TMOD3: variants seen among roughly 807,000 people sequenced by gnomAD.
TMOD3 encodes tropomodulin-3.
A neutral mutation model predicts 39.2 loss-of-function variants in TMOD3; 20 were observed. The ratio of observed to expected loss-of-function variants is 0.51; its 90% CI spans 0.36 to 0.74. The LOEUF is 0.74. Among genes scored for constraint, TMOD3 ranks in the 30% least tolerant of loss-of-function variants. TMOD3 has a pLI of 0.00. For synonymous variants in TMOD3, 143 were observed against 145.8 expected, an observed-to-expected ratio of 0.98 and a Z score of 0.14; for missense variants, 381 against 412.8, an observed-to-expected ratio of 0.92 and a Z score of 0.67.
intron 1 of TMOD3, among the ~76,000 whole-genome samples, chr15:51,850,907 T>C (rs1672814661): frequency 1.3e-5 from 2 of 152,136 alleles, no homozygotes; most frequent in South Asian, 4.1e-4. Flanking sequence ...TTAATTTTTG[T>C]ATTTTTAGGA....
chr15:51,837,702 C>T (rs2056293557), intron 1 of TMOD3, among the ~76,000 whole-genome samples: 1 of 152,174 alleles, frequency 6.6e-6, no homozygotes, highest in African/African-American at 2.4e-5. Context: ...AGCACACCCT[C>T]TGTGCTTGCC....
At chr15:51,848,003 A>G (rs533232023) in intron 1 of TMOD3, among the ~76,000 whole-genome samples, 23 of 152,102 alleles carry the variant, frequency 1.5e-4, no homozygotes, top group Admixed American at 4.6e-4. Context: ...TGCCATTATA[A>G]AAGAGGCCCT....
intron 5 of TMOD3, among the ~76,000 whole-genome samples, chr15:51,891,244 CTTT>C (rs56932356): frequency 7.7e-6 from 1 of 130,258 alleles, no homozygotes; most frequent in Non-Finnish European, 1.6e-5. Flanking sequence ...AACCTCTTTC[CTTT>C]TTTTTTTTTT....
intron 4 of TMOD3, among the ~76,000 whole-genome samples, chr15:51,888,432 C>A (rs566121572): frequency 6.6e-6 from 1 of 152,180 alleles, no homozygotes; most frequent in Non-Finnish European, 1.5e-5. Context: ...TGAAGACTGA[C>A]AGATCTGTAA....
chr15:51,898,936 A>T (rs1165612875), intron 7 of TMOD3: 1 of 151,718 alleles, frequency 6.6e-6, no homozygotes, highest in African/African-American at 2.4e-5. Flanking sequence ...TATGGTACTT[A>T]TTAAGCACTG....
At chr15:51,860,341 T>C in intron 1 of TMOD3, 1 of 540,114 alleles carries the variant, frequency 1.9e-6, no homozygotes, top group Non-Finnish European at 3.7e-6. Context: ...CCCTTAAGGA[T>C]TTCTTCAGAA....
chr15:51,898,579 A>T (rs544086060), intron 7 of TMOD3, among the ~76,000 whole-genome samples: 1 of 152,340 alleles, frequency 6.6e-6, no homozygotes, highest in African/African-American at 2.4e-5. Flanking sequence ...TAATATTCGA[A>T]TACATGTATG....
At position 51,912,538 on chromosome 15, in the gene TMOD3, T is replaced by TA; in HGVS notation, c.*3732dup. 6.6e-6 allele frequency: 1 copy of TA among 152,280 alleles called. No homozygotes were observed. The highest frequency in any genetic ancestry group is 1.9e-4 in the East Asian group (1 of 5,188). The allele number at this position is 152,280 out of a possible 1,614,324, so 9.4% of individuals were successfully genotyped here. ...AGATGACAACATTTATGAAGTTTTA[T>TA]AAAATCTTACATTTTAGGGTCTGTG... is the stretch of plus-strand genomic sequence containing the variant. On this transcript the variant is annotated 3_prime_UTR_variant, in exon 10 of 10. Transcript: ENST00000308580.
Position 51,887,587 on chromosome 15 carries a change from A to C in TMOD3, c.284-2A>C. 1 of 1,609,020 alleles carries C rather than the reference A, an allele frequency of 6.2e-7. No individual in the cohort carries two copies. Among genetic ancestry groups the C allele is most frequent in the African/African-American group, 1.3e-5 (1 of 74,584 alleles). On this transcript the variant is annotated splice_acceptor_variant, in intron 3 of 9. Transcript: ENST00000308580. LOFTEE classifies it high-confidence loss of function. ...GAATTAACAAAATGCTTTATTTTAC[A>C]GGGAAAATATTTATCCCCAAACAGA...
At chr15:51,838,344 T>A (rs2056296724) in intron 1 of TMOD3, among the ~76,000 whole-genome samples, 1 of 152,232 alleles carries the variant, frequency 6.6e-6, no homozygotes, top group South Asian at 2.1e-4. Flanking sequence ...AAAAGCACTT[T>A]ATGTGCATGT....
At chr15:51,891,472 G>A (rs1440424547) in intron 5 of TMOD3, among the ~76,000 whole-genome samples, 1 of 152,136 alleles carries the variant, frequency 6.6e-6, no homozygotes, top group Non-Finnish European at 1.5e-5. Flanking sequence ...ATATTAAGAA[G>A]CTTATGAAGT....
At chr15:51,868,584 G>A (rs866023267) in intron 2 of TMOD3, among the ~76,000 whole-genome samples, 7 of 152,314 alleles carry the variant, frequency 4.6e-5, no homozygotes, top group South Asian at 2.1e-4. Flanking sequence ...GATGTGGTAT[G>A]TGGTTAATAA....
chr15:51,892,975 T>A (rs1236160147), intron 5 of TMOD3, among the ~76,000 whole-genome samples: 1 of 152,144 alleles, frequency 6.6e-6, no homozygotes, highest in Non-Finnish European at 1.5e-5. Flanking sequence ...GTATTTATAT[T>A]CAGTAAAATT....
rs1181156840 is a variant in TMOD3, at chr15:51,910,173, GC to G, written c.*1366del. 1.3e-5 allele frequency: 2 copies of G among 152,344 alleles called. No individual in the cohort carries two copies. The highest frequency in any genetic ancestry group is 4.8e-5 in the African/African-American group (2 of 41,576). 9.4% of individuals were successfully genotyped at this position (152,344 alleles called of 1,614,324 possible). A position where few individuals can be genotyped will look rare whatever the true frequency, so the allele number is the denominator to read the frequency against. On this transcript the variant is annotated 3_prime_UTR_variant, in exon 10 of 10. Coordinates refer to ENST00000308580, the MANE Select transcript of TMOD3 (RefSeq NM_014547.5). ...ACAGGGAGGAATGGAATCTGAGGTA[GC>G]CCTGGCCTCAAAATTCAGGCCTGGC... is the stretch of plus-strand genomic sequence containing the variant.
intron 2 of TMOD3, among the ~76,000 whole-genome samples, chr15:51,866,479 A>AG (rs2141687310): frequency 6.6e-6 from 1 of 152,178 alleles, no homozygotes; most frequent in South Asian, 2.1e-4. Flanking sequence ...AAAAAAAGAA[A>AG]GAAAAAAAAG....
rs753814979 is a variant in TMOD3 at position 51,881,550 on chromosome 15, C to CTTTTTTTTTT, written c.284-6020_284-6011dup. 3.0e-3 allele frequency among the ~76,000 whole-genome samples: 184 copies of CTTTTTTTTTT among 61,852 alleles called. 14 individuals are homozygous for CTTTTTTTTTT. The highest frequency in any genetic ancestry group is 8.2e-3 in the East Asian group (13 of 1,580). The allele number at this position is 61,852 out of a possible 152,430, so 40.6% of individuals were successfully genotyped here. A position where few individuals can be genotyped will look rare whatever the true frequency, so the allele number is the denominator to read the frequency against. On this transcript the variant is annotated intron_variant, in intron 3 of 9. Transcript: ENST00000308580. ...ACGGAGATACAATCTTTCTTTATTT[C>CTTTTTTTTTT]TTTTTTTTTTTTTTTTTTTTTTTTT...
At chr15:51,859,821 C>T in intron 1 of TMOD3, 1 of 514,192 alleles carries the variant, frequency 1.9e-6, no homozygotes. Context: ...CTAGAGCTTT[C>T]CTCAGGAAGT....
chr15:51,837,583 T>G (rs1451063101), intron 1 of TMOD3, among the ~76,000 whole-genome samples: 1 of 152,074 alleles, frequency 6.6e-6, no homozygotes, highest in African/African-American at 2.4e-5. Context: ...AGATTTACAG[T>G]TTCTTGGTGA....
At chr15:51,897,268 C>A (rs959326538) in intron 7 of TMOD3, among the ~76,000 whole-genome samples, 9 of 151,940 alleles carry the variant, frequency 5.9e-5, no homozygotes, top group Non-Finnish European at 1.0e-4. Context: ...GCTGATGACT[C>A]CCAGTGTTAT....
Sources: allele counts gnomAD v4.1 joint callset (sites outside exome capture counted in the v4.1 genomes callset), GRCh38; gene constraint gnomAD v4.1.1; transcripts MANE v1.5; gene names NCBI Gene and HGNC (gene_info 2026-07-23, HGNC 2026-07-21).